DNAJB1: variants seen among roughly 807,000 people sequenced by gnomAD.
The protein encoded by DNAJB1 is dnaJ homolog subfamily B member 1.
A neutral mutation model predicts 24.0 loss-of-function variants in DNAJB1; 14 were observed. That is an observed-to-expected ratio of 0.58 (90% CI 0.39 to 0.91). DNAJB1 has a LOEUF of 0.91. Ranked by LOEUF, DNAJB1 falls within the 40% of genes least tolerant of loss-of-function variation. The pLI is 0.00. For missense variants in DNAJB1, 517 were observed against 458.1 expected (o/e 1.13, Z -1.17); for synonymous variants, 262 against 174.4 (o/e 1.50, Z -3.96).
chr19:14,543,984 C>T (rs1390954533), intron 1 of DNAJB1, among the ~76,000 whole-genome samples: 5 of 151,900 alleles, frequency 3.3e-5, no homozygotes, highest in African/African-American at 1.2e-4. Context: ...ATGATCCTCC[C>T]GCCTCAGCCT....
chr19:14,549,497 A>G (rs1047184991), intron 1 of DNAJB1, among the ~76,000 whole-genome samples: 2 of 151,910 alleles, frequency 1.3e-5, no homozygotes, highest in African/African-American at 2.4e-5. Flanking sequence ...CTAAGTTTTT[A>G]AAAGTTTTTG....
Position 14,525,264 on chromosome 19 carries a change from T to C in DNAJB1, c.-90+2462A>G, listed in dbSNP as rs529635815. ...AAAAATAAAAAAGATACTATTATAA[T>C]GTTCATTTCCTGGCTCCTCTCAATT... On this transcript the variant is annotated intron_variant, in intron 2 of 3. Coordinates refer to the DNAJB1 transcript ENST00000396969. 3.3e-5 allele frequency among the ~76,000 whole-genome samples: 5 copies of C among 152,236 alleles called. No homozygotes were observed. The South Asian group carries it at 8.3e-4, about 25-fold the overall frequency.
At chr19:14,521,865 A>C (rs2072364443), upstream of DNAJB1, among the ~76,000 whole-genome samples, 1 of 152,084 alleles carries the variant, frequency 6.6e-6, no homozygotes, top group Non-Finnish European at 1.5e-5. Flanking sequence ...CAGGTGATCA[A>C]CACGCCTTGA....
intron 1 of DNAJB1, among the ~76,000 whole-genome samples, chr19:14,535,690 G>A (rs1191481554): frequency 3.6e-5 from 5 of 140,418 alleles, no homozygotes; most frequent in Admixed American, 1.5e-4. Flanking sequence ...GGGAGGTGGA[G>A]GTCGCGGACG....
chr19:14,534,942 C>G (rs956391745), intron 1 of DNAJB1, among the ~76,000 whole-genome samples: 2 of 152,156 alleles, frequency 1.3e-5, no homozygotes, highest in Admixed American at 1.3e-4. Context: ...GCTGGTGGCT[C>G]TCCTGCTGTG....
chr19:14,553,966 A>G (rs1034283177), upstream of DNAJB1, among the ~76,000 whole-genome samples: 7 of 152,076 alleles, frequency 4.6e-5, no homozygotes, highest in African/African-American at 1.2e-4. Context: ...GACTCGGGAG[A>G]TGCTTCCTAC....
chr19:14,522,340 C>T (rs530787877), upstream of DNAJB1, among the ~76,000 whole-genome samples: 6 of 151,932 alleles, frequency 3.9e-5, no homozygotes, highest in East Asian at 7.7e-4. Flanking sequence ...AACACTGAGG[C>T]CGGGTGTGGT....
Position 14,516,061 on chromosome 19 carries a change from C to A in DNAJB1, c.902G>T (p.Gly301Val). The A allele has an allele frequency of 6.2e-7, 1 of 1,613,546 alleles. No homozygotes were observed. The highest frequency in any genetic ancestry group is 8.5e-7 in the Non-Finnish European group (1 of 1,179,776). The change falls in exon 3 of 3, where the codon GGC (glycine) becomes GTC (valine). Residue 301 changes from glycine (G) to valine (V), a missense_variant. Physicochemically the swap from Gly to Val is moderately radical, Grantham distance 109 (BLOSUM62 -3). Transcript: ENST00000254322. ...CTCGGGTGTTTTGGGGAGGGGGAGG[C>A]CTTCTCCAGGAACTTTTCGCCGCAT... ...PGMRRKVPGE[G>V]LPLPKTPEKR... is the part of the protein sequence containing the mutation.
At chr19:14,518,754 G>C (rs893082547), upstream of DNAJB1, among the ~76,000 whole-genome samples, 1 of 152,234 alleles carries the variant, frequency 6.6e-6, no homozygotes, top group Admixed American at 6.5e-5. Flanking sequence ...GACCCACAGC[G>C]AACTTGCTGT....
chr19:14,541,137 A>G (rs898638804), intron 1 of DNAJB1, among the ~76,000 whole-genome samples: 10 of 151,852 alleles, frequency 6.6e-5, no homozygotes, highest in Non-Finnish European at 1.0e-4. Flanking sequence ...GTGCCTGGCT[A>G]ATTTTTAAAG....
At chr19:14,551,525 C>T (rs537168214), upstream of DNAJB1, among the ~76,000 whole-genome samples, 7 of 152,180 alleles carry the variant, frequency 4.6e-5, no homozygotes, top group African/African-American at 7.2e-5. Context: ...GGTCTGACAC[C>T]GCCCCCTGTG....
intron 1 of DNAJB1, 77 bp downstream of exon 1, chr19:14,518,062 C>T: frequency 2.2e-6 from 3 of 1,340,622 alleles, no homozygotes; most frequent in Non-Finnish European, 2.9e-6. Flanking sequence ...CCCGGGGGGC[C>T]GCCGAGAGGG....
chr19:14,526,330 G>C (rs2072424832), intron 2 of DNAJB1, among the ~76,000 whole-genome samples: 1 of 152,234 alleles, frequency 6.6e-6, no homozygotes, highest in Non-Finnish European at 1.5e-5. Flanking sequence ...GACAGGCACT[G>C]TCAGGGGGCC....
intron 1 of DNAJB1, among the ~76,000 whole-genome samples, chr19:14,544,124 TG>T (rs1471509863): frequency 6.6e-6 from 1 of 151,854 alleles, no homozygotes; most frequent in Non-Finnish European, 1.5e-5. Flanking sequence ...AATACTGGTG[TG>T]GGGATGGTTT....
upstream of DNAJB1, among the ~76,000 whole-genome samples, chr19:14,553,133 C>A (rs1013471351): frequency 2.0e-5 from 3 of 152,110 alleles, no homozygotes; most frequent in African/African-American, 7.2e-5. Context: ...GCTGCTCGCC[C>A]AAGCCAGGAG....
chr19:14,529,272 T>C, exon 1 of DNAJB1: 1 of 335,078 alleles, frequency 3.0e-6, no homozygotes, highest in Non-Finnish European at 5.9e-6. Flanking sequence ...TCACTCAACT[T>C]CTTACCCCGC....
At position 14,518,173 on chromosome 19, in the gene DNAJB1, G is replaced by C. The variant is rs904708426; in HGVS notation, c.177C>G (p.Arg59=). Residue 59 remains arginine, a synonymous_variant, in exon 1 of 3, where the codon CGC becomes CGG. Coordinates refer to ENST00000254322, the MANE Select transcript of DNAJB1 (RefSeq NM_006145.3). ...CGTAGCGGTCGAAGATCTCGCGCTT[G>C]CGCGGGTCGCTGAGCACGTCGTAGG... ...AEAYDVLSDP[R]KREIFDRYGE... The C allele has an allele frequency of 3.1e-6, 5 of 1,589,434 alleles. No homozygotes were observed. In the African/African-American group the frequency reaches 6.8e-5, roughly 22 times the overall value.
intron 2 of DNAJB1, among the ~76,000 whole-genome samples, chr19:14,527,198 T>TTTTTTTTTTA (rs2072443388): frequency 1.0e-5 from 1 of 96,574 alleles, no homozygotes; most frequent in Non-Finnish European, 2.0e-5. Context: ...TTTTTTTTTT[T>TTTTTTTTTTA]GAGACGGAGT....
rs2072512967 is a variant in DNAJB1, at chr19:14,529,164, C to T, written c.-175+46G>A. 16 of 218,148 alleles carry T rather than the reference C, an allele frequency of 7.3e-5. No homozygotes were observed. In the South Asian group the frequency reaches 8.8e-4, roughly 12 times the overall value. The allele number at this position is 218,148 out of a possible 1,614,324, so 13.5% of individuals were successfully genotyped here. ...GACTCCGCAGCCCGCGACCCCAGCC[C>T]CTAGCCCTCTCCTGCTGTTCCCGGT... On this transcript the variant is annotated intron_variant, in intron 1 of 3. Coordinates refer to the DNAJB1 transcript ENST00000396969.
Sources: gnomAD v4.1 joint callset for allele counts (sites outside exome capture counted in the v4.1 genomes callset) on GRCh38, gnomAD v4.1.1 for gene constraint, MANE v1.5 for transcripts, NCBI Gene and HGNC (gene_info 2026-07-23, HGNC 2026-07-21) for gene names.